Variants in MGA observed in about 807,000 individuals in gnomAD.
The protein encoded by MGA is MAX gene-associated protein.
MGA carries 40 observed loss-of-function variants against 261.1 expected under a neutral mutation model. That is an observed-to-expected ratio of 0.15 (90% CI 0.12 to 0.20). The LOEUF is 0.20. Ranked by LOEUF, MGA falls within the 10% of genes least tolerant of loss-of-function variation. The pLI is 1.00. For missense variants in MGA, 3,397 were observed against 3,630.5 expected (o/e 0.94, Z 1.65); for synonymous variants, 1,302 against 1,290.6 (o/e 1.01, Z -0.19).
chr15:41,747,278 G>A (rs532563051), intron 15 of MGA, among the ~76,000 whole-genome samples: 62 of 152,002 alleles, frequency 4.1e-4, no homozygotes, highest in African/African-American at 1.4e-3. Flanking sequence ...TTGCATATTT[G>A]TTAGTGAATT....
At chr15:41,692,171 G>C (rs2059324792) in intron 2 of MGA, among the ~76,000 whole-genome samples, 1 of 152,056 alleles carries the variant, frequency 6.6e-6, no homozygotes, top group African/African-American at 2.4e-5. Context: ...TCCTATTTTA[G>C]TAAATTTCAG....
At chr15:41,650,294 G>A (rs2057016547) in intron 1 of MGA, among the ~76,000 whole-genome samples, 1 of 152,060 alleles carries the variant, frequency 6.6e-6, no homozygotes, top group African/African-American at 2.4e-5. Context: ...TTTTTGTCAT[G>A]TGCCTTTGCA....
rs149562880 is a variant in MGA, at chr15:41,687,174, A to G, written c.1065-8901A>G. ...CTCTCATCATTAACTCCTTTGTTCT[A>G]CTTGTTTTTGGTTTAATTTGCCTTA... On this transcript the variant is annotated intron_variant, in intron 2 of 23. Coordinates refer to ENST00000219905, the MANE Select transcript of MGA (RefSeq NM_001164273.2). Among the ~76,000 whole-genome samples, 1,046 of 151,204 alleles carry G rather than the reference A, an allele frequency of 6.9e-3. 13 individuals are homozygous for G. The highest frequency in any genetic ancestry group is 0.024 in the African/African-American group (1,004 of 41,148).
intron 17 of MGA, among the ~76,000 whole-genome samples, chr15:41,753,571 C>T (rs548072532): frequency 8.5e-5 from 13 of 152,170 alleles, no homozygotes; most frequent in Non-Finnish European, 1.8e-4. Flanking sequence ...ATACAGCAAT[C>T]GTGGGCTTTT....
At position 41,767,380 on chromosome 15, in the gene MGA, C is replaced by T; in HGVS notation, c.*100C>T. 3 of 1,278,552 alleles carry T rather than the reference C, an allele frequency of 2.3e-6. No homozygotes were observed. Among genetic ancestry groups the T allele is most frequent in the Non-Finnish European group, 3.2e-6 (3 of 926,000 alleles). 79.2% of individuals were successfully genotyped at this position (1,278,552 alleles called of 1,614,324 possible). A position where few individuals can be genotyped will look rare whatever the true frequency, so the allele number is the denominator to read the frequency against. ...TTGTTTGTGTCTTAGAACTTGGATC[C>T]TTGACTTCAATGATGCAGTGGATAA... is the stretch of plus-strand genomic sequence containing the variant. On this transcript the variant is annotated 3_prime_UTR_variant, in exon 24 of 24. Transcript: ENST00000219905.
chr15:41,763,083 T>G (rs1277153532), intron 22 of MGA, among the ~76,000 whole-genome samples: 1 of 148,776 alleles, frequency 6.7e-6, no homozygotes, highest in Non-Finnish European at 1.5e-5. Context: ...GCTCTATTTT[T>G]CTTTCTTCCT....
At chr15:41,651,466 A>G (rs1006607247) in intron 1 of MGA, among the ~76,000 whole-genome samples, 1 of 152,032 alleles carries the variant, frequency 6.6e-6, no homozygotes, top group Non-Finnish European at 1.5e-5. Flanking sequence ...TTCTCCTTCA[A>G]GAGTCAGCTG....
At chr15:41,665,069 T>G (rs1480383873) in intron 1 of MGA, among the ~76,000 whole-genome samples, 1 of 152,212 alleles carries the variant, frequency 6.6e-6, no homozygotes, top group African/African-American at 2.4e-5. Flanking sequence ...TAGTAAACCT[T>G]TTGAAGTCGT....
intron 1 of MGA, among the ~76,000 whole-genome samples, chr15:41,666,366 T>C (rs2057739691): frequency 6.6e-6 from 1 of 152,264 alleles, no homozygotes; most frequent in Admixed American, 6.5e-5. Context: ...TATGTACATG[T>C]TCTTTTTCAT....
chr15:41,703,785 A>T (rs1430777750), intron 5 of MGA, among the ~76,000 whole-genome samples: 1 of 152,134 alleles, frequency 6.6e-6, no homozygotes, highest in Non-Finnish European at 1.5e-5. Context: ...GACTCTTGTC[A>T]GTTTTAATGT....
chr15:41,746,299 G>C (rs1264353610), intron 15 of MGA, among the ~76,000 whole-genome samples: 1 of 152,150 alleles, frequency 6.6e-6, no homozygotes, highest in Non-Finnish European at 1.5e-5. Context: ...CCAGCACTTT[G>C]GGAGGCTGAG....
intron 15 of MGA, among the ~76,000 whole-genome samples, 185 bp downstream of exon 15, chr15:41,743,357 G>A (rs1368333543): frequency 6.6e-6 from 1 of 152,180 alleles, no homozygotes; most frequent in Non-Finnish European, 1.5e-5. Context: ...TAGAGCTCAT[G>A]GTTAATACGG....
intron 1 of MGA, among the ~76,000 whole-genome samples, chr15:41,627,270 CT>C (rs1480723137): frequency 1.3e-5 from 2 of 152,126 alleles, no homozygotes; most frequent in Non-Finnish European, 2.9e-5. Context: ...TTCAGATTTC[CT>C]TTTTATCTAA....
chr15:41,627,436 G>T (rs1203788127), intron 1 of MGA, among the ~76,000 whole-genome samples: 1 of 152,136 alleles, frequency 6.6e-6, no homozygotes, highest in Non-Finnish European at 1.5e-5. Flanking sequence ...GTTTTCTGTA[G>T]CATGTTACTC....
At chr15:41,709,723 C>T (rs1004132871) in intron 7 of MGA, among the ~76,000 whole-genome samples, 1 of 152,120 alleles carries the variant, frequency 6.6e-6, no homozygotes, top group African/African-American at 2.4e-5. Context: ...GGCATGAACC[C>T]CCGTGCTCAG....
At chr15:41,744,192 G>A (rs976352677) in intron 15 of MGA, among the ~76,000 whole-genome samples, 3 of 152,020 alleles carry the variant, frequency 2.0e-5, no homozygotes, top group Non-Finnish European at 2.9e-5. Flanking sequence ...ATATATATGT[G>A]TGTGTGTGTA....
rs374821528 is a variant in MGA, at chr15:41,668,127, T to C, written c.-67-701T>C. Among the ~76,000 whole-genome samples, 612 of 139,190 alleles carry C rather than the reference T, an allele frequency of 4.4e-3. 1 individual carries two copies. Among genetic ancestry groups the C allele is most frequent in the Non-Finnish European group, 5.6e-3 (353 of 62,786 alleles). The allele number at this position is 139,190 out of a possible 152,430, so 91.3% of individuals were successfully genotyped here. A position where few individuals can be genotyped will look rare whatever the true frequency, so the allele number is the denominator to read the frequency against. On this transcript the variant is annotated intron_variant, in intron 1 of 23. Coordinates refer to ENST00000219905, the MANE Select transcript of MGA (RefSeq NM_001164273.2). ...CATCATATAGTATTAAATTTATCACTTTTTTTTTTTTTGGCCTTACTGGTT... is the reference window on the plus strand; with the variant it reads ...CATCATATAGTATTAAATTTATCACCTTTTTTTTTTTTGGCCTTACTGGTT...
chr15:41,678,872 G>T (rs1310988014), intron 2 of MGA, among the ~76,000 whole-genome samples: 1 of 151,836 alleles, frequency 6.6e-6, no homozygotes, highest in African/African-American at 2.4e-5. Flanking sequence ...TGATTTCTCA[G>T]CTCTCTGTAT....
chr15:41,747,868 T>A (rs1364783648), intron 15 of MGA, among the ~76,000 whole-genome samples: 1 of 152,198 alleles, frequency 6.6e-6, no homozygotes, highest in Non-Finnish European at 1.5e-5. Context: ...CCATAATGTC[T>A]GGCTGTTCTC....
Sources: gnomAD v4.1 joint callset for allele counts (sites outside exome capture counted in the v4.1 genomes callset) on GRCh38, gnomAD v4.1.1 for gene constraint, MANE v1.5 for transcripts, NCBI Gene and HGNC (gene_info 2026-07-23, HGNC 2026-07-21) for gene names.